Variants in KSR1 observed in about 807,000 individuals in gnomAD.
The protein encoded by KSR1 is kinase suppressor of ras 1.
In KSR1, 35 loss-of-function variants were observed where a neutral mutation model predicts 92.9. The ratio of observed to expected loss-of-function variants is 0.38; its 90% confidence interval spans 0.29 to 0.50. The LOEUF (loss-of-function observed/expected upper bound fraction) is 0.50. Ranked by LOEUF, KSR1 falls within the 20% of genes least tolerant of loss-of-function variation. The probability of loss-of-function intolerance (pLI) is 0.94; values close to 1 mark genes in which losing one functional copy is unlikely to be tolerated. For missense variants in KSR1, 972 were observed against 1,158.5 expected (o/e 0.84, Z 2.34); for synonymous variants, 467 against 472.6 (o/e 0.99, Z 0.15).
chr17:27,458,042 G>A (rs1227519298), intron 1 of KSR1, among the ~76,000 whole-genome samples: 1 of 151,892 alleles, frequency 6.6e-6, no homozygotes, highest in African/African-American at 2.4e-5. Context: ...CCAAATGCTC[G>A]GGGGTGACTC....
chr17:27,562,555 C>T lies in KSR1; in HGVS notation c.372+11847C>T, dbSNP rs117447363. Among the ~76,000 whole-genome samples, 127 of 152,276 alleles carry T rather than the reference C, an allele frequency of 8.3e-4. No individual in the cohort carries two copies. In the East Asian group the frequency reaches 0.017, roughly 20 times the overall value. On this transcript the variant is annotated intron_variant, in intron 2 of 20. Coordinates refer to ENST00000644974, the MANE Select transcript of KSR1 (RefSeq NM_001394583.1). ...TTTGGTGTAGTGTGTGCCTGAGCCC[C>T]CTCTGGGGACTACCTGGCTCCTGAG...
At chr17:27,526,832 G>A (rs1053604163) in intron 1 of KSR1, 17 of 762,850 alleles carry the variant, frequency 2.2e-5, no homozygotes, top group South Asian at 8.4e-5. Context: ...CTCCTCCTCC[G>A]GGGGGAGGGG....
intron 5 of KSR1, among the ~76,000 whole-genome samples, chr17:27,586,824 G>C (rs764353401): frequency 4.6e-4 from 70 of 152,214 alleles, no homozygotes; most frequent in Non-Finnish European, 2.1e-4. Flanking sequence ...TTCCAACATA[G>C]TCTGTTTCTC....
At chr17:27,590,932 C>T (rs376012371) in intron 7 of KSR1, 38 bp downstream of exon 7, 74 of 1,546,584 alleles carry the variant, frequency 4.8e-5, no homozygotes, top group Non-Finnish European at 6.2e-5. Context: ...GGAGCAGACA[C>T]TTTTAGTTCA....
At chr17:27,525,992 C>CTTTTCTTTTCTTTTCTTTTCTT (rs1229248945) in intron 1 of KSR1, among the ~76,000 whole-genome samples, 1 of 35,644 alleles carries the variant, frequency 2.8e-5, no homozygotes, top group Non-Finnish European at 5.2e-5. Flanking sequence ...CTGCAACTAA[C>CTTTTCTTTTCTTTTCTTTTCTT]TTTTCTTTTC....
At position 27,592,620 on chromosome 17, in the gene KSR1, AAAG is replaced by A; in HGVS notation, c.1297_1299del (p.Lys433del). On this transcript the variant is annotated inframe_deletion, in exon 9 of 21. Coordinates refer to ENST00000644974, the MANE Select transcript of KSR1 (RefSeq NM_001394583.1). ...TTGGAACCCTCCCCAAAGCACTGAC[AAAG>A]AAGGTACGCTGGGTAATGCTGGGGA... 6.2e-7 allele frequency: 1 copy of A among 1,613,640 alleles called. No homozygotes were observed. Among genetic ancestry groups the A allele is most frequent in the Non-Finnish European group, 8.5e-7 (1 of 1,179,740 alleles).
chr17:27,622,743 T>C (rs1033650664), intron 20 of KSR1: 1 of 160,406 alleles, frequency 6.2e-6, no homozygotes, highest in Admixed American at 6.1e-5. Context: ...CAGGTCAGCA[T>C]TTGTCAAGAG....
rs1055902415 is a variant in KSR1 at position 27,565,685 on chromosome 17, A to C, written c.373-11807A>C. Among the ~76,000 whole-genome samples, 3 of 152,164 alleles carry C rather than the reference A, an allele frequency of 2.0e-5. No homozygotes were observed. The East Asian group carries it at 5.8e-4, about 29-fold the overall frequency. On this transcript the variant is annotated intron_variant, in intron 2 of 20. Coordinates refer to ENST00000644974, the MANE Select transcript of KSR1 (RefSeq NM_001394583.1). ...AGCAGTCCACCTGCCTCAGCCTCCCAAAGTGTTGGAATTACAGGTGTGAGC... is the reference window on the plus strand; with the variant it reads ...AGCAGTCCACCTGCCTCAGCCTCCCCAAGTGTTGGAATTACAGGTGTGAGC...
At chr17:27,477,716 CTTT>C (rs1001733229) in intron 1 of KSR1, among the ~76,000 whole-genome samples, 8 of 144,196 alleles carry the variant, frequency 5.5e-5, no homozygotes, top group Non-Finnish European at 7.7e-5. Flanking sequence ...CTGTTCTCTT[CTTT>C]TTTTTTTTTT....
chr17:27,520,106 C>A (rs527427665), intron 1 of KSR1, among the ~76,000 whole-genome samples: 5 of 152,186 alleles, frequency 3.3e-5, no homozygotes, highest in Non-Finnish European at 7.3e-5. Flanking sequence ...TCATTTCACT[C>A]CATAACACCT....
At chr17:27,548,229 CAA>C (rs34481724) in intron 1 of KSR1, among the ~76,000 whole-genome samples, 66 of 89,874 alleles carry the variant, frequency 7.3e-4, no homozygotes, top group Admixed American at 7.3e-4. Flanking sequence ...GACCCCATCT[CAA>C]AAAAAAAAAA....
chr17:27,526,631 T>G, intron 1 of KSR1: 1 of 1,561,112 alleles, frequency 6.4e-7, no homozygotes, highest in Non-Finnish European at 8.8e-7. Context: ...CTCGTGCATC[T>G]TTTTTAAAGC....
intron 1 of KSR1, among the ~76,000 whole-genome samples, chr17:27,509,353 C>T (rs945812638): frequency 1.1e-4 from 16 of 151,354 alleles, no homozygotes; most frequent in African/African-American, 2.9e-4. Context: ...TGCAGTGGTG[C>T]GATCTTGGCT....
At chr17:27,487,547 G>A (rs1200748325) in intron 1 of KSR1, among the ~76,000 whole-genome samples, 2 of 150,270 alleles carry the variant, frequency 1.3e-5, no homozygotes, top group African/African-American at 2.5e-5. Flanking sequence ...CCAGGAGTTC[G>A]AGACCAGCCT....
chr17:27,527,797 G>GAA (rs1467965486), intron 1 of KSR1, among the ~76,000 whole-genome samples: 1 of 152,206 alleles, frequency 6.6e-6, no homozygotes, highest in Admixed American at 6.5e-5. Context: ...AGTATCTTTA[G>GAA]AAGACACAAA....
intron 19 of KSR1, 174 bp from the exon 20 acceptor site, chr17:27,621,019 C>T: frequency 2.5e-6 from 1 of 394,102 alleles, no homozygotes; most frequent in East Asian, 3.6e-5. Flanking sequence ...CTTTTCTTTC[C>T]ATTGATCTTG....
chr17:27,495,904 A>C (rs1216935608), intron 1 of KSR1, among the ~76,000 whole-genome samples: 1 of 152,192 alleles, frequency 6.6e-6, no homozygotes, highest in East Asian at 1.9e-4. Context: ...CTAGGCTCTC[A>C]GAGGGAACAG....
chr17:27,566,463 C>T (rs2072073403), intron 2 of KSR1: 1 of 399,156 alleles, frequency 2.5e-6, no homozygotes, highest in Non-Finnish European at 4.4e-6. Context: ...TGTCATGAAT[C>T]GCCTGTGGAG....
intron 1 of KSR1, among the ~76,000 whole-genome samples, chr17:27,478,242 C>T (rs1435933405): frequency 3.3e-5 from 5 of 152,090 alleles, no homozygotes; most frequent in Non-Finnish European, 7.4e-5. Context: ...TAACACAAAC[C>T]GGTATAAAAG....
Sources: allele counts gnomAD v4.1 joint callset (sites outside exome capture counted in the v4.1 genomes callset), GRCh38; gene constraint gnomAD v4.1.1; transcripts MANE v1.5; gene names NCBI Gene and HGNC (gene_info 2026-07-23, HGNC 2026-07-21).